FSTL4: variants seen among roughly 807,000 people sequenced by gnomAD.
FSTL4 encodes the protein follistatin-related protein 4.
In FSTL4, 28 loss-of-function variants were observed where a neutral mutation model predicts 78.2. That is an observed-to-expected ratio of 0.36 (90% confidence interval 0.27 to 0.49). FSTL4 has a LOEUF of 0.49. Ranked by LOEUF, FSTL4 falls within the 20% of genes least tolerant of loss-of-function variation. FSTL4 has a pLI of 0.98. For missense variants in FSTL4, 922 were observed against 1,084.9 expected, an observed-to-expected ratio of 0.85 and a Z score of 2.11; for synonymous variants, 422 against 440.5, an observed-to-expected ratio of 0.96 and a Z score of 0.53.
the FSTL4 span, among the ~76,000 whole-genome samples, chr5:133,785,360 C>A: frequency 2.8e-4 from 43 of 152,192 alleles, no homozygotes; most frequent in Admixed American, 2.8e-3. Context: ...GGAAGGAAAG[C>A]CCGGGAACGT....
the FSTL4 span, among the ~76,000 whole-genome samples, chr5:133,836,419 A>C: frequency 1.3e-5 from 2 of 152,196 alleles, no homozygotes; most frequent in South Asian, 4.1e-4. Flanking sequence ...GGACAAATTT[A>C]AAATTTTAAT....
At chr5:133,290,008 G>A (rs141908590) in intron 6 of FSTL4, among the ~76,000 whole-genome samples, 1,949 of 152,328 alleles carry the variant, frequency 0.013, 23 homozygotes, top group Non-Finnish European at 0.019. Context: ...AGGCCTGCGT[G>A]CAAAGTGGGT....
At chr5:133,501,258 T>C (rs995863930) in intron 3 of FSTL4, among the ~76,000 whole-genome samples, 1 of 128,732 alleles carries the variant, frequency 7.8e-6, no homozygotes, top group Non-Finnish European at 1.7e-5. Context: ...TTATATGCCT[T>C]ACAATTTTAA....
At chr5:133,272,991 C>T (rs1752799134) in intron 6 of FSTL4, among the ~76,000 whole-genome samples, 2 of 152,228 alleles carry the variant, frequency 1.3e-5, no homozygotes, top group South Asian at 4.1e-4. Context: ...TTTGCCATCC[C>T]CTGCAGGAGC....
intron 3 of FSTL4, among the ~76,000 whole-genome samples, chr5:133,484,954 C>T (rs543202182): frequency 1.3e-5 from 2 of 152,274 alleles, no homozygotes; most frequent in South Asian, 4.2e-4. Context: ...GGAAAGGTGC[C>T]ATGCAGTTCA....
At chr5:133,577,728 AC>A (rs551031114) in intron 2 of FSTL4, among the ~76,000 whole-genome samples, 1 of 151,720 alleles carries the variant, frequency 6.6e-6, no homozygotes, top group Admixed American at 6.6e-5. Flanking sequence ...ACATAGTGAA[AC>A]CCCCCTCTCT....
chr5:133,259,706 G>A (rs1405728855), intron 6 of FSTL4, among the ~76,000 whole-genome samples: 1 of 151,924 alleles, frequency 6.6e-6, no homozygotes, highest in Non-Finnish European at 1.5e-5. Flanking sequence ...AAATGCAGGG[G>A]GACCATTTAG....
chr5:133,835,142 A>G, the FSTL4 span, among the ~76,000 whole-genome samples: 2 of 152,296 alleles, frequency 1.3e-5, no homozygotes, highest in South Asian at 4.1e-4. Flanking sequence ...GGTCTTCTAT[A>G]ACTTTCCCAT....
chr5:133,321,780 A>G (rs6877716), intron 4 of FSTL4, among the ~76,000 whole-genome samples: 102,861 of 152,102 alleles, frequency 0.68, 35,119 homozygotes, highest in Middle Eastern at 0.71. Context: ...ATCCGGAGGC[A>G]TGACTCTTCC....
At chr5:133,595,984 A>G in intron 2 of FSTL4, among the ~76,000 whole-genome samples, 1 of 152,224 alleles carries the variant, frequency 6.6e-6, no homozygotes, top group Non-Finnish European at 1.5e-5. Context: ...TTTAGCCCCA[A>G]CAGGAAAAAC....
chr5:133,412,045 G>A (rs1245836792), intron 3 of FSTL4, among the ~76,000 whole-genome samples: 4 of 152,104 alleles, frequency 2.6e-5, no homozygotes, highest in Non-Finnish European at 5.9e-5. Context: ...AAACCCTATT[G>A]AAGGTCATAA....
At chr5:133,336,893 C>T (rs1257419420) in intron 4 of FSTL4, among the ~76,000 whole-genome samples, 3 of 152,190 alleles carry the variant, frequency 2.0e-5, no homozygotes, top group Non-Finnish European at 4.4e-5. Context: ...CTGTGTACCC[C>T]GGGGCAGGGG....
At chr5:133,687,724 G>T in the FSTL4 span, among the ~76,000 whole-genome samples, 2 of 152,220 alleles carry the variant, frequency 1.3e-5, no homozygotes, top group Admixed American at 1.3e-4. Flanking sequence ...TATAATTGAT[G>T]ATCTAGATGT....
chr5:133,320,508 A>T (rs13180284), intron 4 of FSTL4, among the ~76,000 whole-genome samples: 99,595 of 151,962 alleles, frequency 0.66, 32,942 homozygotes, highest in Middle Eastern at 0.73. Flanking sequence ...TGCAAATAAA[A>T]ATAAAGAAAA....
chr5:133,782,527 T>C, the FSTL4 span, among the ~76,000 whole-genome samples: 1 of 152,208 alleles, frequency 6.6e-6, no homozygotes, highest in African/African-American at 2.4e-5. Context: ...GCCACAGGCA[T>C]CTGACCCAGC....
intron 6 of FSTL4, among the ~76,000 whole-genome samples, chr5:133,302,199 C>T (rs189216253): frequency 9.2e-4 from 140 of 152,224 alleles, no homozygotes; most frequent in Non-Finnish European, 1.7e-3. Context: ...AATGAGAACT[C>T]GGGGCTCTGA....
intron 5 of FSTL4, among the ~76,000 whole-genome samples, chr5:133,314,425 A>C (rs146596596): frequency 6.6e-6 from 1 of 152,218 alleles, no homozygotes. Context: ...AACAGAGCAG[A>C]GTCATCTGAG....
At position 133,579,311 on chromosome 5, in the gene FSTL4, T is replaced by C. The variant is rs150630714; in HGVS notation, c.127-12092A>G. On this transcript the variant is annotated intron_variant, in intron 2 of 15. Coordinates refer to ENST00000265342, the MANE Select transcript of FSTL4 (RefSeq NM_015082.2). ...TAAGAATATGGAGGTGAGTGCAGTTTCCCAGCTGGCTCACGGAACATACTG... is the reference window on the plus strand; with the variant it reads ...TAAGAATATGGAGGTGAGTGCAGTTCCCCAGCTGGCTCACGGAACATACTG... Among the ~76,000 whole-genome samples, 5 of 152,318 alleles carry C rather than the reference T, an allele frequency of 3.3e-5. No homozygotes were observed. The East Asian group carries it at 9.6e-4, about 29-fold the overall frequency.
chr5:133,824,617 G>T, the FSTL4 span, among the ~76,000 whole-genome samples: 1 of 152,332 alleles, frequency 6.6e-6, no homozygotes, highest in Admixed American at 6.5e-5. Context: ...CATCAGAGAA[G>T]TAAGAAGACT....
Sources: gnomAD v4.1 joint callset for allele counts (sites outside exome capture counted in the v4.1 genomes callset) on GRCh38, gnomAD v4.1.1 for gene constraint, MANE v1.5 for transcripts, NCBI Gene and HGNC (gene_info 2026-07-23, HGNC 2026-07-21) for gene names.